SETD1A: variants seen among roughly 807,000 people sequenced by gnomAD.
SETD1A encodes the protein histone-lysine N-methyltransferase SETD1A.
In SETD1A, 29 loss-of-function variants were observed where a neutral mutation model predicts 149.9. The ratio of observed to expected loss-of-function variants is 0.19; its 90% CI spans 0.14 to 0.26. SETD1A has a LOEUF of 0.26. Among genes scored for constraint, SETD1A ranks in the 10% least tolerant of loss-of-function variants. SETD1A has a pLI of 1.00. For synonymous variants in SETD1A, 1,141 were observed against 968.5 expected (o/e 1.18, Z -3.31); for missense variants, 2,109 against 2,353.1 (o/e 0.90, Z 2.15).
intron 10 of SETD1A, among the ~76,000 whole-genome samples, chr16:30,968,299 A>C (rs1471788750): frequency 6.6e-6 from 1 of 151,950 alleles, no homozygotes; most frequent in African/African-American, 2.4e-5. Flanking sequence ...GCTACTTGGG[A>C]GGCAGAGGCA....
intron 3 of SETD1A, among the ~76,000 whole-genome samples, chr16:30,960,481 T>C (rs930859275): frequency 6.6e-6 from 1 of 152,224 alleles, no homozygotes; most frequent in African/African-American, 2.4e-5. Flanking sequence ...GATCATACTC[T>C]GTACAAAAGT....
rs753825199 is a variant in SETD1A at position 30,964,676 on chromosome 16, C to T, written c.934C>T (p.Arg312Cys). 16 of 1,613,946 alleles carry T rather than the reference C, an allele frequency of 9.9e-6. No individual in the cohort carries two copies. Among genetic ancestry groups the T allele is most frequent in the Middle Eastern group, 1.6e-4 (1 of 6,084 alleles). The change falls in exon 7 of 19, where the codon CGC (arginine) becomes TGC (cysteine). Residue 312 changes from arginine to cysteine, a missense_variant. Arg to Cys is a radical substitution (Grantham distance 180). Around this residue, in one of 8 missense-constraint regions of SETD1A, gnomAD observed 410 missense variants for 394.8 expected, o/e 1.04. Coordinates refer to ENST00000262519, the MANE Select transcript of SETD1A (RefSeq NM_014712.3). The part of the protein sequence containing the change: ...ENSYQDAFSR[R>C]HFSASSASTT... ...CAGCTACCAAGATGCCTTTTCCCGC[C>T]GCCACTTCTCTGCATCTTCAGCCTC... is the stretch of plus-strand genomic sequence containing the variant.
intron 13 of SETD1A, among the ~76,000 whole-genome samples, chr16:30,975,861 A>C (rs1221716985): frequency 2.0e-5 from 3 of 152,086 alleles, no homozygotes; most frequent in Admixed American, 1.3e-4. Context: ...GGGAGGGGTT[A>C]GCTTTTCCAA....
chr16:30,979,772 G>C lies in SETD1A; in HGVS notation c.3986G>C (p.Ser1329Thr). The C allele has an allele frequency of 6.3e-7, 1 of 1,593,006 alleles. No homozygotes were observed. Among genetic ancestry groups the C allele is most frequent in the Non-Finnish European group, 8.5e-7 (1 of 1,176,426 alleles). Residue 1329 changes from serine to threonine, a missense_variant, in exon 14 of 19, where the codon AGT (serine) becomes ACT (threonine). By Grantham distance (58) the Ser-to-Thr change is moderately conservative. Coordinates refer to ENST00000262519, the MANE Select transcript of SETD1A (RefSeq NM_014712.3). ...EPVPAPAALF[S>T]SPADEVLEAP... ...GTGCCCGCACCCGCCGCCCTCTTCAGTTCCCCAGCTGATGAGGTCCTGGAG... is the reference window on the plus strand; with the variant it reads ...GTGCCCGCACCCGCCGCCCTCTTCACTTCCCCAGCTGATGAGGTCCTGGAG...
At chr16:30,973,616 C>T (rs1309456700) in intron 13 of SETD1A, among the ~76,000 whole-genome samples, 3 of 152,150 alleles carry the variant, frequency 2.0e-5, no homozygotes, top group Non-Finnish European at 4.4e-5. Context: ...GATCATGCCA[C>T]TGCATTCCAG....
intron 10 of SETD1A, 31 bp from the exon 11 acceptor site, chr16:30,969,274 A>G: frequency 1.2e-6 from 2 of 1,600,122 alleles, no homozygotes; most frequent in Non-Finnish European, 1.7e-6. Flanking sequence ...GTTGATGGTA[A>G]ATTTCCCCAA....
chr16:30,967,817 T>G (rs1028744651), intron 10 of SETD1A, among the ~76,000 whole-genome samples: 7 of 152,162 alleles, frequency 4.6e-5, no homozygotes, highest in Non-Finnish European at 1.0e-4. Context: ...GTATTTTGGG[T>G]TTTTCCATCC....
Position 30,983,529 on chromosome 16 carries a change from G to A in SETD1A, c.4813-106G>A, listed in dbSNP as rs959627653. 4.6e-6 allele frequency: 6 copies of A among 1,316,208 alleles called. No individual in the cohort carries two copies. The highest frequency in any genetic ancestry group is 5.3e-4 in the Middle Eastern group (2 of 3,762). 81.5% of individuals were successfully genotyped at this position (1,316,208 alleles called of 1,614,324 possible). ...GTTAGCGGGAGCTGGAGGCAGAGCT[G>A]CAGCTCCAGGCCTGGTGGGCGTGGA... is the stretch of plus-strand genomic sequence containing the variant. On this transcript the variant is annotated intron_variant, in intron 17 of 18. Coordinates refer to ENST00000262519, the MANE Select transcript of SETD1A (RefSeq NM_014712.3). This position sits in a 1 kb window ranked among gnomAD's most constrained non-coding sequence, Gnocchi z 6.8.
At chr16:30,962,012 T>G (rs553183663) in intron 4 of SETD1A, among the ~76,000 whole-genome samples, 1 of 152,164 alleles carries the variant, frequency 6.6e-6, no homozygotes, top group East Asian at 1.9e-4. Context: ...GCCAAAGTTT[T>G]TTTGATTATT....
chr16:30,974,278 G>C (rs2056258356), intron 13 of SETD1A, among the ~76,000 whole-genome samples: 1 of 152,182 alleles, frequency 6.6e-6, no homozygotes, highest in African/African-American at 2.4e-5. Context: ...AGTAGAAACA[G>C]TGGCAGTTGG....
rs4573943 is a variant in SETD1A at position 30,958,735 on chromosome 16, G to T, written c.4G>T (p.Asp2Tyr). ...CTAACAGTGTAAATGAGCAAAGATGGATCAGGAAGGTGGGGGAGATGGGCA... is the reference window on the plus strand; with the variant it reads ...CTAACAGTGTAAATGAGCAAAGATGTATCAGGAAGGTGGGGGAGATGGGCA... MDQEGGGDGQKA... is the reference protein window; with the variant it reads MYQEGGGDGQKA... The change falls in exon 2 of 19, where the codon GAT (aspartate) becomes TAT (tyrosine). Residue 2 changes from aspartate (D) to tyrosine (Y), a missense_variant. Asp to Tyr is a radical substitution (Grantham distance 160). Transcript: ENST00000262519. The T allele has an allele frequency of 1.2e-6, 2 of 1,614,176 alleles. No homozygotes were observed. Among genetic ancestry groups the T allele is most frequent in the Non-Finnish European group, 8.5e-7 (1 of 1,180,010 alleles).
At position 30,971,605 on chromosome 16, in the gene SETD1A, A is replaced by C. The variant is rs989291259; in HGVS notation, c.3244A>C (p.Arg1082=). ...CCTTCCCTCAGCCTCCCCGCCCCCC[A>C]GAGAAGTCCCAGTGCCCACGCCAGC... ...AALPSASPPP[R]EVPVPTPAPV... is the part of the protein sequence containing the mutation. Residue 1082 remains arginine, a synonymous_variant, in exon 13 of 19, where the codon AGA becomes CGA. Transcript: ENST00000262519. 1.2e-6 allele frequency: 2 copies of C among 1,613,628 alleles called. No individual in the cohort carries two copies. The highest frequency in any genetic ancestry group is 1.3e-5 in the African/African-American group (1 of 74,976).
At chr16:30,963,078 T>C (rs1177616497) in intron 4 of SETD1A, among the ~76,000 whole-genome samples, 1 of 152,238 alleles carries the variant, frequency 6.6e-6, no homozygotes, top group African/African-American at 2.4e-5. Flanking sequence ...TGATCGAGCC[T>C]CTGGGTTTGA....
Position 30,979,765 on chromosome 16 carries a change from C to A in SETD1A, c.3979C>A (p.Leu1327Ile). The change falls in exon 14 of 19, where the codon CTC becomes ATC. Residue 1327 changes from leucine (L) to isoleucine (I), a missense_variant. Leu to Ile is a conservative substitution (Grantham distance 5). This residue lies in a region of SETD1A where 832 missense variants were observed against 815.6 expected (regional missense o/e 1.02). Coordinates refer to ENST00000262519, the MANE Select transcript of SETD1A (RefSeq NM_014712.3). ...PPEPVPAPAA[L>I]FSSPADEVLE... is the part of the protein sequence containing the mutation. ...GGAGCCAGTGCCCGCACCCGCCGCC[C>A]TCTTCAGTTCCCCAGCTGATGAGGT... The A allele has an allele frequency of 6.3e-7, 1 of 1,594,966 alleles. No individual in the cohort carries two copies. Among genetic ancestry groups the A allele is most frequent in the African/African-American group, 1.3e-5 (1 of 74,980 alleles).
chr16:30,984,133 C>A lies in SETD1A; in HGVS notation c.*110C>A. 1 of 1,085,150 alleles carries A rather than the reference C, an allele frequency of 9.2e-7. No individual in the cohort carries two copies. The highest frequency in any genetic ancestry group is 1.3e-6 in the Non-Finnish European group (1 of 779,496). The allele number at this position is 1,085,150 out of a possible 1,614,324, so 67.2% of individuals were successfully genotyped here. A position where few individuals can be genotyped will look rare whatever the true frequency, so the allele number is the denominator to read the frequency against. ...AGCAGGGCCCACATGCCCCCATCTC[C>A]AAGCGTGGGGTTGGGGGCCCCAAGC... On this transcript the variant is annotated 3_prime_UTR_variant, in exon 19 of 19. Coordinates refer to ENST00000262519, the MANE Select transcript of SETD1A (RefSeq NM_014712.3).
In SETD1A at chr16:30,971,669, C is replaced by T. The variant is rs2056226827; in HGVS notation, c.3308C>T (p.Ser1103Phe). The change falls in exon 13 of 19, where the codon TCC (serine) becomes TTC (phenylalanine). Residue 1103 changes from serine (S) to phenylalanine (F), a missense_variant. Ser to Phe is a radical substitution (Grantham distance 155). Around this residue, in one of 8 missense-constraint regions of SETD1A, gnomAD observed 832 missense variants for 815.6 expected, o/e 1.02. Transcript: ENST00000262519. ...EVPVPERVAGSPVTPLPEQEA... is the reference protein window; with the variant it reads ...EVPVPERVAGFPVTPLPEQEA... ...CCAGTGCCGGAAAGGGTTGCAGGCTCCCCAGTCACACCCCTGCCCGAACAG... is the reference window on the plus strand; with the variant it reads ...CCAGTGCCGGAAAGGGTTGCAGGCTTCCCAGTCACACCCCTGCCCGAACAG... The T allele has an allele frequency of 6.2e-7, 1 of 1,604,960 alleles. No individual in the cohort carries two copies.
rs757273477 is a variant in SETD1A at position 30,971,398 on chromosome 16, T to G, written c.3037T>G (p.Ser1013Ala). The stretch of plus-strand genomic sequence containing the variant: ...TCCAGGCGAGGACGAGGAAAGCGAT[T>G]CGTCTTCCAAATGTTCTCTGTATGC... ...VSDGEDEESD[S>A]SSKCSLYADS... is the part of the protein sequence containing the mutation. The change falls in exon 13 of 19, where the codon TCG (serine) becomes GCG (alanine). Residue 1013 changes from serine to alanine, a missense_variant. Around this residue, in one of 8 missense-constraint regions of SETD1A, gnomAD observed 832 missense variants for 815.6 expected, o/e 1.02. Transcript: ENST00000262519. The G allele has an allele frequency of 6.3e-7, 1 of 1,588,296 alleles. No homozygotes were observed. Among genetic ancestry groups the G allele is most frequent in the African/African-American group, 1.3e-5 (1 of 74,466 alleles).
At chr16:30,971,817 A>G (rs1289980283) in intron 13 of SETD1A, 98 bp downstream of exon 13, 5 of 1,396,576 alleles carry the variant, frequency 3.6e-6, no homozygotes, top group East Asian at 2.6e-5. Context: ...GTGTGACTTT[A>G]TTAGAAAAAC....
intron 12 of SETD1A, 107 bp downstream of exon 12, chr16:30,969,796 C>T: frequency 1.1e-6 from 1 of 871,830 alleles, no homozygotes; most frequent in South Asian, 1.4e-5. Flanking sequence ...TTGTGGGTCA[C>T]CTTTGCCTTC....
Sources: gnomAD v4.1 joint callset for allele counts (sites outside exome capture counted in the v4.1 genomes callset) on GRCh38, gnomAD v4.1.1 for gene constraint, gnomAD v4.1.1 regional missense constraint, Gnocchi (gnomAD v3.1) non-coding constraint, MANE v1.5 for transcripts, NCBI Gene and HGNC (gene_info 2026-07-23, HGNC 2026-07-21) for gene names.